Variants in BCL11B observed in about 807,000 individuals in gnomAD.
BCL11B encodes the protein BCL11 transcription factor B.
Under a neutral mutation model 49.9 loss-of-function variants are expected in BCL11B, and 8 were observed. The observed-to-expected ratio is 0.16, with a 90% confidence interval of 0.09 to 0.29. BCL11B has a LOEUF of 0.29. Among genes scored for constraint, BCL11B ranks in the 10% least tolerant of loss-of-function variants. The pLI is 1.00. For missense variants in BCL11B, 1,006 were observed against 1,351.0 expected, an observed-to-expected ratio of 0.74 and a Z score of 4.00; for synonymous variants, 739 against 637.4, an observed-to-expected ratio of 1.16 and a Z score of -2.40.
intron 3 of BCL11B, among the ~76,000 whole-genome samples, chr14:99,182,693 A>C (rs4905804): frequency 6.6e-6 from 1 of 152,192 alleles, no homozygotes; most frequent in East Asian, 1.9e-4. Flanking sequence ...TCTGGTGGTA[A>C]TGTGCTGAGC....
rs1887056428 is a variant in BCL11B at position 99,192,310 on chromosome 14, C to T, written c.641-16115G>A. ...ATTTTAAGCGCCCCAGCCACGCTTC[C>T]CTAATAACAGCCTGGGAACTGCAAA... On this transcript the variant is annotated intron_variant, in intron 3 of 3. Transcript: ENST00000357195. The surrounding 1 kb of genome is among the most constrained non-coding windows in gnomAD (Gnocchi z 4.0). Among the ~76,000 whole-genome samples the T allele has an allele frequency of 6.6e-6, 1 of 152,148 alleles. No homozygotes were observed. Among genetic ancestry groups the T allele is most frequent in the South Asian group, 2.1e-4 (1 of 4,826 alleles).
At position 99,228,356 on chromosome 14, in the gene BCL11B, T is replaced by C. The variant is rs1468154859; in HGVS notation, c.640+2989A>G. On this transcript the variant is annotated intron_variant, in intron 3 of 3. Coordinates refer to ENST00000357195, the MANE Select transcript of BCL11B (RefSeq NM_138576.4). The surrounding 1 kb of genome is among the most constrained non-coding windows in gnomAD (Gnocchi z 4.8). The stretch of plus-strand genomic sequence containing the variant: ...CACAAAGGGACAAAAAACACCAGAA[T>C]AGGATAGTTTCAGGTATTCAAATTG... Among the ~76,000 whole-genome samples the C allele has an allele frequency of 6.6e-6, 1 of 152,088 alleles. No individual in the cohort carries two copies. The highest frequency in any genetic ancestry group is 2.4e-5 in the African/African-American group (1 of 41,414).
chr14:99,175,078 C>G lies in BCL11B; in HGVS notation c.1758G>C (p.Ala586=). The G allele has an allele frequency of 1.2e-6, 2 of 1,600,226 alleles. No individual in the cohort carries two copies. Among genetic ancestry groups the G allele is most frequent in the South Asian group, 1.1e-5 (1 of 90,928 alleles). Residue 586 remains alanine, a synonymous_variant, in exon 4 of 4, where the codon GCG becomes GCC. Transcript: ENST00000357195. The part of the protein sequence containing the change: ...VPGAGGGAAK[A]LADEKALVLG... ...GCACCAGCGCCTTCTCGTCAGCCAG[C>G]GCCTTGGCCGCGCCGCCCCCCGCGC...
Position 99,242,697 on chromosome 14 carries a change from C to G in BCL11B, c.428-11140G>C, listed in dbSNP as rs1332717388. ...CTTCTGTATTTCCTAACTAACAAGA[C>G]TAATCCAGAGGTTTTGGACCCTGCC... On this transcript the variant is annotated intron_variant, in intron 2 of 3. Coordinates refer to ENST00000357195, the MANE Select transcript of BCL11B (RefSeq NM_138576.4). This position sits in a 1 kb window ranked among gnomAD's most constrained non-coding sequence, Gnocchi z 4.4. 2.6e-5 allele frequency among the ~76,000 whole-genome samples: 4 copies of G among 152,218 alleles called. No individual in the cohort carries two copies. The highest frequency in any genetic ancestry group is 4.4e-5 in the Non-Finnish European group (3 of 68,030).
At chr14:99,218,034 T>A (rs915225916) in intron 3 of BCL11B, among the ~76,000 whole-genome samples, 1 of 151,768 alleles carries the variant, frequency 6.6e-6, no homozygotes, top group African/African-American at 2.4e-5. Context: ...TATTCAACTC[T>A]GTTAATTCTC....
In BCL11B at chr14:99,169,589, AC is replaced by A. The variant is rs1320858103; in HGVS notation, c.*4561del. 4.8e-6 allele frequency: 1 copy of A among 208,984 alleles called. No individual in the cohort carries two copies. Among genetic ancestry groups the A allele is most frequent in the African/African-American group, 2.3e-5 (1 of 44,094 alleles). 12.9% of individuals were successfully genotyped at this position (208,984 alleles called of 1,614,324 possible). On this transcript the variant is annotated 3_prime_UTR_variant, in exon 4 of 4. Coordinates refer to ENST00000357195, the MANE Select transcript of BCL11B (RefSeq NM_138576.4). ...AATAGTTCCAAACTTGTAGTAAAAG[AC>A]AAAACCTCCAAGTAAACAACAAAAG...
intron 3 of BCL11B, among the ~76,000 whole-genome samples, chr14:99,190,716 A>G (rs940487146): frequency 2.0e-5 from 3 of 152,242 alleles, no homozygotes; most frequent in African/African-American, 7.2e-5. Flanking sequence ...CCATTCACCA[A>G]TAAGGCTATC....
intron 2 of BCL11B, among the ~76,000 whole-genome samples, chr14:99,249,899 G>A (rs1053283849): frequency 1.3e-5 from 2 of 152,076 alleles, no homozygotes; most frequent in South Asian, 2.1e-4. Context: ...AGGCCGAGGC[G>A]GGTGGATCAC....
At chr14:99,251,774 G>A (rs1889014353) in intron 2 of BCL11B, among the ~76,000 whole-genome samples, 1 of 152,098 alleles carries the variant, frequency 6.6e-6, no homozygotes, top group African/African-American at 2.4e-5. Context: ...GGGCTTCAAA[G>A]ACCATTTTGG....
In BCL11B at chr14:99,173,271, T is replaced by C. The variant is rs1169938777; in HGVS notation, c.*880A>G. 1 of 224,858 alleles carries C rather than the reference T, an allele frequency of 4.4e-6. No homozygotes were observed. The highest frequency in any genetic ancestry group is 8.9e-6 in the Non-Finnish European group (1 of 112,936). 13.9% of individuals were successfully genotyped at this position (224,858 alleles called of 1,614,324 possible). Reference sequence around the variant, plus strand: ...CCCAGGGCACACCAACAGGATAGTATCTGCTGGTCATGCACAACCTCAGAA... The same window carrying C: ...CCCAGGGCACACCAACAGGATAGTACCTGCTGGTCATGCACAACCTCAGAA... On this transcript the variant is annotated 3_prime_UTR_variant, in exon 4 of 4. Transcript: ENST00000357195.
intron 3 of BCL11B, among the ~76,000 whole-genome samples, chr14:99,222,169 A>G (rs1888028809): frequency 6.6e-6 from 1 of 152,132 alleles, no homozygotes; most frequent in Admixed American, 6.5e-5. Context: ...AAAGTCAAGT[A>G]CATTTTGTTC....
chr14:99,220,161 T>A (rs576343591), intron 3 of BCL11B, among the ~76,000 whole-genome samples: 2 of 152,200 alleles, frequency 1.3e-5, no homozygotes, highest in Non-Finnish European at 2.9e-5. Flanking sequence ...TAAAACAGCG[T>A]AGCCACTATA....
chr14:99,265,207 T>C (rs1044168510), intron 1 of BCL11B, among the ~76,000 whole-genome samples: 1 of 152,218 alleles, frequency 6.6e-6, no homozygotes, highest in African/African-American at 2.4e-5. Flanking sequence ...TACAAAAGTG[T>C]ATCTACAGCT....
chr14:99,256,698 A>G (rs1889173635), intron 2 of BCL11B, among the ~76,000 whole-genome samples: 1 of 152,218 alleles, frequency 6.6e-6, no homozygotes, highest in African/African-American at 2.4e-5. Context: ...TGTGGTGAGC[A>G]GACCCACGCC....
Position 99,175,726 on chromosome 14 carries a change from C to T in BCL11B, c.1110G>A (p.Leu370=). The T allele has an allele frequency of 6.7e-7, 1 of 1,485,176 alleles. No individual in the cohort carries two copies. The highest frequency in any genetic ancestry group is 8.8e-7 in the Non-Finnish European group (1 of 1,134,032). The allele number at this position is 1,485,176 out of a possible 1,614,324, so 92.0% of individuals were successfully genotyped here. ...AMDFSRRLRE[L]AGNSSTPPPV... ...GCGGCGGCGTGGAGCTGTTGCCCGC[C>T]AGCTCGCGGAGCCGCCGCGAGAAGT... Residue 370 remains leucine, a synonymous_variant, in exon 4 of 4, where the codon CTG becomes CTA. Transcript: ENST00000357195.
At chr14:99,260,454 T>G (rs879509157) in intron 1 of BCL11B, among the ~76,000 whole-genome samples, 1 of 152,210 alleles carries the variant, frequency 6.6e-6, no homozygotes, top group Non-Finnish European at 1.5e-5. Flanking sequence ...GTAGGAGTTC[T>G]AGCAAGCCTA....
Position 99,194,709 on chromosome 14 carries a change from T to C in BCL11B, c.641-18514A>G, listed in dbSNP as rs929530038. Among the ~76,000 whole-genome samples, 1 of 152,204 alleles carries C rather than the reference T, an allele frequency of 6.6e-6. No individual in the cohort carries two copies. On this transcript the variant is annotated intron_variant, in intron 3 of 3. Transcript: ENST00000357195. The surrounding 1 kb of genome is among the most constrained non-coding windows in gnomAD (Gnocchi z 4.6). Reference sequence around the variant, plus strand: ...TTCAACCAGGTTGCGTGGCTGGTCCTACAGGAAGTGAAGGAGCTGGGACCC... The same window carrying C: ...TTCAACCAGGTTGCGTGGCTGGTCCCACAGGAAGTGAAGGAGCTGGGACCC...
At chr14:99,238,057 C>A (rs1471253150) in intron 2 of BCL11B, among the ~76,000 whole-genome samples, 3 of 152,088 alleles carry the variant, frequency 2.0e-5, no homozygotes, top group African/African-American at 7.2e-5. Flanking sequence ...AGGCCACCCA[C>A]GACCCTGTGT....
chr14:99,246,032 C>A (rs17095099), intron 2 of BCL11B, among the ~76,000 whole-genome samples: 6 of 152,100 alleles, frequency 3.9e-5, no homozygotes, highest in Non-Finnish European at 5.9e-5. Flanking sequence ...CTTCAGGAGC[C>A]GGTCCCGAGG....
Sources: gnomAD v4.1 joint callset for allele counts (sites outside exome capture counted in the v4.1 genomes callset) on GRCh38, gnomAD v4.1.1 for gene constraint, Gnocchi (gnomAD v3.1) non-coding constraint, MANE v1.5 for transcripts, NCBI Gene and HGNC (gene_info 2026-07-23, HGNC 2026-07-21) for gene names.